Variants in LRP5 observed in about 807,000 individuals in gnomAD.
LRP5 encodes low-density lipoprotein receptor-related protein 5.
In LRP5, 62 loss-of-function variants were observed where a neutral mutation model predicts 154.1. The observed-to-expected ratio is 0.40, with a 90% CI of 0.33 to 0.50. The LOEUF (loss-of-function observed/expected upper bound fraction) is 0.50. Ranked by LOEUF, LRP5 falls within the 20% of genes least tolerant of loss-of-function variation. The pLI is 0.55. For missense variants in LRP5, 1,915 were observed against 2,336.7 expected (o/e 0.82, Z 3.72); for synonymous variants, 966 against 1,011.5 (o/e 0.96, Z 0.85).
chr11:68,384,950 A>G (rs1191119554), intron 5 of LRP5, among the ~76,000 whole-genome samples: 1 of 152,148 alleles, frequency 6.6e-6, no homozygotes, highest in Non-Finnish European at 1.5e-5. Flanking sequence ...AGATGCTCTC[A>G]GAGTGTTGCT....
the LRP5 span, among the ~76,000 whole-genome samples, chr11:68,301,814 G>C: frequency 4.4e-4 from 66 of 151,234 alleles, 1 homozygote; most frequent in South Asian, 0.012. Context: ...TTTTTTAGTA[G>C]AGACGGGGCT....
intron 6 of LRP5, among the ~76,000 whole-genome samples, chr11:68,387,554 G>A (rs2098643719): frequency 6.6e-6 from 1 of 152,248 alleles, no homozygotes; most frequent in Non-Finnish European, 1.5e-5. Flanking sequence ...TGTGGCAGGT[G>A]TGGGGCTGGG....
chr11:68,446,369 T>C, intron 21 of LRP5, 67 bp from the exon 22 acceptor site: 1 of 1,076,392 alleles, frequency 9.3e-7, no homozygotes, highest in Non-Finnish European at 1.4e-6. Context: ...GCCCGAGGGG[T>C]GTGGGAGGAA....
At chr11:68,331,768 TG>T (rs2098602934) in intron 1 of LRP5, among the ~76,000 whole-genome samples, 6 of 147,286 alleles carry the variant, frequency 4.1e-5, no homozygotes, top group African/African-American at 1.3e-4. Context: ...TGTGTGTGTG[TG>T]TGTGTTTGAG....
At position 68,411,522 on chromosome 11, in the gene LRP5, A is replaced by G. The variant is rs1347776354; in HGVS notation, c.2405A>G (p.Lys802Arg). ...ACCAACTGCATGACGCTGGTGGACAAGGTGGGCCGGGCCAACGACCTCACC... is the reference window on the plus strand; with the variant it reads ...ACCAACTGCATGACGCTGGTGGACAGGGTGGGCCGGGCCAACGACCTCACC... ...DGTNCMTLVD[K>R]VGRANDLTID... Residue 802 changes from lysine (K) to arginine (R), a missense_variant, in exon 11 of 23, where the codon AAG becomes AGG. Lys to Arg is a conservative substitution (Grantham distance 26). Coordinates refer to ENST00000294304, the MANE Select transcript of LRP5 (RefSeq NM_002335.4). 5.6e-6 allele frequency: 9 copies of G among 1,613,798 alleles called. No individual in the cohort carries two copies. The South Asian group carries it at 8.8e-5, about 16-fold the overall frequency.
At chr11:68,347,808 C>T (rs1156664104) in intron 1 of LRP5, 39 bp from the exon 2 acceptor site, 1 of 1,610,666 alleles carries the variant, frequency 6.2e-7, no homozygotes. Flanking sequence ...ATCTTGCTGG[C>T]TTAGCCAGTG....
At chr11:68,403,820 A>G in intron 8 of LRP5, 121 bp downstream of exon 8, 2 of 1,183,324 alleles carry the variant, frequency 1.7e-6, no homozygotes, top group Non-Finnish European at 2.4e-6. Flanking sequence ...GAAGGGCAGG[A>G]CAGGAAAGGT....
chr11:68,408,805 T>G (rs1740781954), intron 9 of LRP5, among the ~76,000 whole-genome samples: 1 of 151,928 alleles, frequency 6.6e-6, no homozygotes, highest in Non-Finnish European at 1.5e-5. Context: ...CACAACACTT[T>G]GAGAGGGTGA....
At chr11:68,398,150 G>A (rs1350975879) in intron 7 of LRP5, among the ~76,000 whole-genome samples, 1 of 152,174 alleles carries the variant, frequency 6.6e-6, no homozygotes, top group African/African-American at 2.4e-5. Context: ...TTAAACACGT[G>A]CTGTCAGAGG....
At chr11:68,433,558 C>T in intron 17 of LRP5, 44 bp from the exon 18 acceptor site, 3 of 1,545,492 alleles carry the variant, frequency 1.9e-6, no homozygotes, top group Non-Finnish European at 2.7e-6. Context: ...CTGGGTTTTG[C>T]TGGGCGGGGC....
chr11:68,304,717 T>C, the LRP5 span, among the ~76,000 whole-genome samples: 1 of 152,266 alleles, frequency 6.6e-6, no homozygotes, highest in African/African-American at 2.4e-5. Context: ...GTGCCCTGGC[T>C]ATGGGACATG....
At chr11:68,401,813 C>T (rs998074221) in intron 7 of LRP5, among the ~76,000 whole-genome samples, 8 of 152,198 alleles carry the variant, frequency 5.3e-5, no homozygotes, top group Non-Finnish European at 7.3e-5. Flanking sequence ...CTCAGCCTCC[C>T]GAGCAGCTGG....
At chr11:68,421,917 T>TA (rs2098666029) in intron 13 of LRP5, among the ~76,000 whole-genome samples, 1 of 151,848 alleles carries the variant, frequency 6.6e-6, no homozygotes, top group Non-Finnish European at 1.5e-5. Flanking sequence ...TTTATCTACT[T>TA]AGAGACTTTG....
intron 5 of LRP5, among the ~76,000 whole-genome samples, chr11:68,379,247 A>G (rs1199341237): frequency 3.3e-5 from 5 of 152,210 alleles, no homozygotes; most frequent in African/African-American, 1.2e-4. Context: ...TTTAGGTAAA[A>G]TAAGTACATT....
chr11:68,357,784 A>T lies in LRP5; in HGVS notation c.623A>T (p.Lys208Met), dbSNP rs1385721486. 1 of 1,614,134 alleles carries T rather than the reference A, an allele frequency of 6.2e-7. No homozygotes were observed. Among genetic ancestry groups the T allele is most frequent in the East Asian group, 2.2e-5 (1 of 44,882 alleles). ...CTGACCATCGACCTGGAGGAGCAGA[A>T]GCTCTACTGGGCTGACGCCAAGCTC... ...NGLTIDLEEQ[K>M]LYWADAKLSF... is the part of the protein sequence containing the mutation. The change falls in exon 3 of 23, where the codon AAG (lysine) becomes ATG (methionine). Residue 208 changes from lysine (K) to methionine (M), a missense_variant. Around this residue, in one of 3 missense-constraint regions of LRP5, gnomAD observed 773 missense variants for 1,100.9 expected, o/e 0.70. Transcript: ENST00000294304.
At chr11:68,439,109 G>A (rs572865123) in intron 20 of LRP5, among the ~76,000 whole-genome samples, 31 of 152,328 alleles carry the variant, frequency 2.0e-4, no homozygotes, top group African/African-American at 7.5e-4. Context: ...ATTCCTACGT[G>A]GCCCAGGCAC....
chr11:68,442,462 G>T (rs2098678709), intron 21 of LRP5, among the ~76,000 whole-genome samples: 1 of 152,100 alleles, frequency 6.6e-6, no homozygotes, highest in African/African-American at 2.4e-5. Context: ...TTTTTGTGGA[G>T]GTGAGGCCTC....
intron 1 of LRP5, among the ~76,000 whole-genome samples, chr11:68,325,786 G>A (rs1196485647): frequency 6.6e-6 from 1 of 152,198 alleles, no homozygotes; most frequent in Admixed American, 6.5e-5. Context: ...CACGTTAACT[G>A]CTTCAGAGCT....
At chr11:68,444,239 G>C (rs1417134805) in intron 21 of LRP5, among the ~76,000 whole-genome samples, 1 of 152,122 alleles carries the variant, frequency 6.6e-6, no homozygotes, top group African/African-American at 2.4e-5. Context: ...AATAGGCCAG[G>C]CATGGTGGCT....
Sources: gnomAD v4.1 joint callset for allele counts (sites outside exome capture counted in the v4.1 genomes callset) on GRCh38, gnomAD v4.1.1 for gene constraint, gnomAD v4.1.1 regional missense constraint, MANE v1.5 for transcripts, NCBI Gene and HGNC (gene_info 2026-07-23, HGNC 2026-07-21) for gene names.